ITGAD: variants seen among roughly 807,000 people sequenced by gnomAD.
The protein encoded by ITGAD is integrin subunit alpha D.
In ITGAD, 105 loss-of-function variants were observed where a neutral mutation model predicts 139.0. The ratio of observed to expected loss-of-function variants is 0.76; its 90% CI spans 0.65 to 0.89. The LOEUF is 0.89. ITGAD is among the 40% of genes least tolerant of loss of function. The pLI, the probability that ITGAD is intolerant of heterozygous loss-of-function variation, is 0.00. For missense variants in ITGAD, 1,384 were observed against 1,487.3 expected, an observed-to-expected ratio of 0.93 and a Z score of 1.14; for synonymous variants, 569 against 598.3, an observed-to-expected ratio of 0.95 and a Z score of 0.71.
In ITGAD at chr16:31,416,566, G is replaced by C; in HGVS notation, c.2419G>C (p.Ala807Pro). The change falls in exon 20 of 30, where the codon GCA becomes CCA. Residue 807 changes from alanine (A) to proline (P), a missense_variant. Transcript: ENST00000389202. ...CAACGTGATTGTGACTGTGTGGAACGCAGGTGAGGATTCCTACGGAACCGT... is the reference window on the plus strand; with the variant it reads ...CAACGTGATTGTGACTGTGTGGAACCCAGGTGAGGATTCCTACGGAACCGT... The part of the protein sequence containing the change: ...ELNVIVTVWN[A>P]GEDSYGTVVS... The C allele has an allele frequency of 1.2e-6, 2 of 1,613,780 alleles. No homozygotes were observed. The highest frequency in any genetic ancestry group is 1.7e-6 in the Non-Finnish European group (2 of 1,179,812).
At chr16:31,417,210 ATATTTATTTATT>A (rs201764894) in intron 20 of ITGAD, among the ~76,000 whole-genome samples, 175 of 122,828 alleles carry the variant, frequency 1.4e-3, no homozygotes, top group Middle Eastern at 4.0e-3. Context: ...CGCCCAGCTA[ATATTTATTTATT>A]TATTTATTTA....
intron 17 of ITGAD, 50 bp from the exon 18 acceptor site, chr16:31,414,807 TGTG>T (rs2081841246): frequency 1.3e-6 from 2 of 1,598,696 alleles, no homozygotes; most frequent in South Asian, 2.2e-5. Context: ...GAGGAGGACT[TGTG>T]GTGGAGCGTA....
At chr16:31,410,084 T>C (rs2081644863) in intron 10 of ITGAD, among the ~76,000 whole-genome samples, 1 of 152,088 alleles carries the variant, frequency 6.6e-6, no homozygotes, top group Non-Finnish European at 1.5e-5. Flanking sequence ...GGTACCACCG[T>C]AAGGGCCTTG....
chr16:31,424,293 C>T lies in ITGAD; in HGVS notation c.3261+90C>T, dbSNP rs551369412. 4.9e-5 allele frequency: 74 copies of T among 1,501,112 alleles called. 1 individual carries two copies. In the African/African-American group the frequency reaches 6.2e-4, roughly 13 times the overall value. 93.0% of individuals were successfully genotyped at this position (1,501,112 alleles called of 1,614,324 possible). A position where few individuals can be genotyped will look rare whatever the true frequency, so the allele number is the denominator to read the frequency against. On this transcript the variant is annotated intron_variant, in intron 28 of 29. Coordinates refer to ENST00000389202, the MANE Select transcript of ITGAD (RefSeq NM_005353.3). ...CTGGGTGGGGGGTTTGCAAGCCTTGCGGGAGGAGGGTGAAAGTCTCTGGGC... is the reference window on the plus strand; with the variant it reads ...CTGGGTGGGGGGTTTGCAAGCCTTGTGGGAGGAGGGTGAAAGTCTCTGGGC...
At chr16:31,401,965 G>C (rs2081416138) in intron 5 of ITGAD, 150 bp from the exon 6 acceptor site, 3 of 819,484 alleles carry the variant, frequency 3.7e-6, no homozygotes, top group South Asian at 3.4e-5. Flanking sequence ...GGAGCAGGGG[G>C]CTGGGGTGGC....
At chr16:31,399,696 G>T (rs1398839365) in intron 5 of ITGAD, among the ~76,000 whole-genome samples, 1 of 152,202 alleles carries the variant, frequency 6.6e-6, no homozygotes, top group African/African-American at 2.4e-5. Flanking sequence ...GAACTCATGA[G>T]GTGGGATGCC....
intron 5 of ITGAD, among the ~76,000 whole-genome samples, chr16:31,399,341 T>A (rs757048285): frequency 4.6e-5 from 7 of 152,198 alleles, no homozygotes; most frequent in Non-Finnish European, 1.0e-4. Context: ...ATCTTCCAGC[T>A]GGGGACTGCA....
At chr16:31,394,121 A>G in intron 1 of ITGAD, 115 bp from the exon 2 acceptor site, 2 of 565,372 alleles carry the variant, frequency 3.5e-6, no homozygotes, top group Non-Finnish European at 6.1e-6. Flanking sequence ...ACAGAGCGAG[A>G]CTCCATCTCA....
chr16:31,426,053 G>C lies in ITGAD; in HGVS notation c.3411G>C (p.Glu1137Asp). Residue 1137 changes from glutamate to aspartate, a missense_variant, in exon 30 of 30, where the codon GAG becomes GAC. Coordinates refer to ENST00000389202, the MANE Select transcript of ITGAD (RefSeq NM_005353.3). ...AACGCCACTACAAGGAAATGCTGGA[G>C]GACAAGCCTGAAGACACTGCCACAT... ...FFKRHYKEML[E>D]DKPEDTATFS... The C allele has an allele frequency of 6.2e-7, 1 of 1,614,052 alleles. No homozygotes were observed. The highest frequency in any genetic ancestry group is 8.5e-7 in the Non-Finnish European group (1 of 1,179,902).
intron 10 of ITGAD, among the ~76,000 whole-genome samples, chr16:31,409,108 C>T (rs1287060401): frequency 1.3e-5 from 2 of 152,148 alleles, no homozygotes; most frequent in Admixed American, 6.5e-5. Context: ...AACTGGCCAA[C>T]ATGGCGAAAC....
rs1438517583 is a variant in ITGAD at position 31,410,770 on chromosome 16, A to G, written c.1248A>G (p.Val416=). 2 of 1,613,292 alleles carry G rather than the reference A, an allele frequency of 1.2e-6. No individual in the cohort carries two copies. Among genetic ancestry groups the G allele is most frequent in the Non-Finnish European group, 1.7e-6 (2 of 1,179,824 alleles). Residue 416 remains valine, a synonymous_variant, in exon 12 of 30, where the codon GTA becomes GTG. Transcript: ENST00000389202. ...YSTELALWKG[V]QNLVLGAPRY... ...CCGAGCTAGCCCTGTGGAAGGGGGT[A>G]CAGAACCTGGTCCTGGGGGCCCCCC...
rs112485849 is a variant in ITGAD at position 31,403,352 on chromosome 16, G to A, written c.559-148G>A. The A allele has an allele frequency of 1.1e-3, 913 of 852,846 alleles. 5 individuals carry two copies. The African/African-American group carries it at 0.011, about 11-fold the overall frequency. The allele number at this position is 852,846 out of a possible 1,614,324, so 52.8% of individuals were successfully genotyped here. Reference sequence around the variant, plus strand: ...CAAAAAACAAAGCCAGGCATGTGACGTGTGCCTGTAGTTCCAGCTACTTGG... The same window carrying A: ...CAAAAAACAAAGCCAGGCATGTGACATGTGCCTGTAGTTCCAGCTACTTGG... On this transcript the variant is annotated intron_variant, in intron 6 of 29. Transcript: ENST00000389202. This position sits in a 1 kb window ranked among gnomAD's most constrained non-coding sequence, Gnocchi z 4.4.
At chr16:31,412,748 C>A (rs936978225) in intron 14 of ITGAD, 90 bp from the exon 15 acceptor site, 13 of 1,543,098 alleles carry the variant, frequency 8.4e-6, no homozygotes, top group Non-Finnish European at 1.2e-5. Flanking sequence ...CTCCCTTTGC[C>A]ACCATCCTAC....
In ITGAD at chr16:31,403,491, C is replaced by G. The variant is rs1186313608; in HGVS notation, c.559-9C>G. 1 of 1,613,888 alleles carries G rather than the reference C, an allele frequency of 6.2e-7. No individual in the cohort carries two copies. Among genetic ancestry groups the G allele is most frequent in the Non-Finnish European group, 8.5e-7 (1 of 1,179,974 alleles). On this transcript the variant is annotated splice_polypyrimidine_tract_variant and intron_variant, in intron 6 of 29. Coordinates refer to ENST00000389202, the MANE Select transcript of ITGAD (RefSeq NM_005353.3). This position sits in a 1 kb window ranked among gnomAD's most constrained non-coding sequence, Gnocchi z 4.4. ...CTGAGCCCTGGGCCCTCCCCACTGG[C>G]CTTTGCAGTTTGCACTGATGCAGTA...
At position 31,414,495 on chromosome 16, in the gene ITGAD, G is replaced by A; in HGVS notation, c.2041G>A (p.Gly681Ser). The A allele has an allele frequency of 6.2e-7, 1 of 1,614,222 alleles. No homozygotes were observed. The highest frequency in any genetic ancestry group is 8.5e-7 in the Non-Finnish European group (1 of 1,180,046). Residue 681 changes from glycine (G) to serine (S), a missense_variant, in exon 17 of 30, where the codon GGT (glycine) becomes AGT (serine). Physicochemically the swap from Gly to Ser is moderately conservative, Grantham distance 56. Coordinates refer to ENST00000389202, the MANE Select transcript of ITGAD (RefSeq NM_005353.3). ...SVRFDLALDP[G>S]RLTSRAIFNE... ...CAGGTTTGATCTGGCACTGGACCCA[G>A]GTCGTCTGACTTCTCGTGCCATTTT...
chr16:31,403,327 CA>C lies in ITGAD; in HGVS notation c.559-167del, dbSNP rs1241228637. 4 of 732,368 alleles carry C rather than the reference CA, an allele frequency of 5.5e-6. No homozygotes were observed. The highest frequency in any genetic ancestry group is 8.8e-6 in the Non-Finnish European group (4 of 454,432). 45.4% of individuals were successfully genotyped at this position (732,368 alleles called of 1,614,324 possible). On this transcript the variant is annotated intron_variant, in intron 6 of 29. Coordinates refer to ENST00000389202, the MANE Select transcript of ITGAD (RefSeq NM_005353.3). This position sits in a 1 kb window ranked among gnomAD's most constrained non-coding sequence, Gnocchi z 4.4. ...TGTCTCTACCAAAAACAAAACAAAA[CA>C]AAAAACAAAGCCAGGCATGTGACGT...
chr16:31,421,223 C>T (rs527979288), intron 23 of ITGAD, among the ~76,000 whole-genome samples: 8 of 152,260 alleles, frequency 5.3e-5, no homozygotes, highest in Non-Finnish European at 8.8e-5. Context: ...CAGACCCAGA[C>T]GGTTTGGCTG....
At chr16:31,393,429 A>C (rs770229292) in intron 1 of ITGAD, 38 bp downstream of exon 1, 2 of 1,611,298 alleles carry the variant, frequency 1.2e-6, no homozygotes, top group African/African-American at 2.7e-5. Flanking sequence ...AGCTTGGAGG[A>C]GTTCTGAGGG....
chr16:31,412,150 A>ACCTCCCGAGTAG (rs1407791932), intron 14 of ITGAD, among the ~76,000 whole-genome samples: 1 of 149,902 alleles, frequency 6.7e-6, no homozygotes, highest in South Asian at 2.1e-4. Flanking sequence ...GCTCACTGCA[A>ACCTCCCGAGTAG]CCTCCCGAGT....
Sources: gnomAD v4.1 joint callset for allele counts (sites outside exome capture counted in the v4.1 genomes callset) on GRCh38, gnomAD v4.1.1 for gene constraint, Gnocchi (gnomAD v3.1) non-coding constraint, MANE v1.5 for transcripts, NCBI Gene and HGNC (gene_info 2026-07-23, HGNC 2026-07-21) for gene names.